Variants in SHANK2 observed in about 807,000 individuals in gnomAD.
SHANK2 encodes the protein SH3 and multiple ankyrin repeat domains protein 2.
In SHANK2, 43 loss-of-function variants were observed where a neutral mutation model predicts 133.7. That is an observed-to-expected ratio of 0.32 (90% CI 0.25 to 0.41). The LOEUF (loss-of-function observed/expected upper bound fraction) is 0.41. Among genes scored for constraint, SHANK2 ranks in the 10% least tolerant of loss-of-function variants. The pLI, the probability that SHANK2 is intolerant of heterozygous loss-of-function variation, is 1.00. For missense variants in SHANK2, 1,994 were observed against 2,235.8 expected (o/e 0.89, Z 2.18); for synonymous variants, 1,017 against 952.8 (o/e 1.07, Z -1.24).
chr11:71,204,116 A>G (rs1591017053), intron 2 of SHANK2, among the ~76,000 whole-genome samples: 2 of 152,106 alleles, frequency 1.3e-5, no homozygotes, highest in East Asian at 3.9e-4. Flanking sequence ...GGCCTTGGGG[A>G]GCCCTGAACA....
At chr11:70,877,996 G>C (rs1308429739) in intron 11 of SHANK2, among the ~76,000 whole-genome samples, 2 of 152,250 alleles carry the variant, frequency 1.3e-5, no homozygotes, top group South Asian at 2.1e-4. Flanking sequence ...TGTGCAGCGT[G>C]AGTCCGGCGA....
intron 11 of SHANK2, among the ~76,000 whole-genome samples, chr11:70,847,628 C>A (rs1434733715): frequency 1.3e-5 from 2 of 152,234 alleles, no homozygotes; most frequent in Non-Finnish European, 1.5e-5. Flanking sequence ...GCGACGCCAT[C>A]CAGGGTCTCA....
intron 15 of SHANK2, among the ~76,000 whole-genome samples, chr11:70,670,226 G>A (rs546776429): frequency 5.9e-5 from 9 of 152,208 alleles, no homozygotes; most frequent in Admixed American, 2.0e-4. Context: ...TGGTATAATC[G>A]CATTTCAGTG....
chr11:70,745,252 C>T (rs531779431), intron 14 of SHANK2, among the ~76,000 whole-genome samples: 2 of 152,348 alleles, frequency 1.3e-5, no homozygotes, highest in South Asian at 2.1e-4. Context: ...GCCTTTGAGC[C>T]TCTGCCTCAT....
At chr11:71,105,180 C>T (rs1469126870) in intron 6 of SHANK2, among the ~76,000 whole-genome samples, 2 of 152,192 alleles carry the variant, frequency 1.3e-5, no homozygotes, top group Admixed American at 6.5e-5. Flanking sequence ...TGTGAAAGGG[C>T]CTGGAGGCAC....
Position 70,820,397 on chromosome 11 carries a change from T to C in SHANK2, c.1460A>G (p.Asp487Gly), listed in dbSNP as rs1555055527. 1.5e-6 allele frequency: 1 copy of C among 676,016 alleles called. No individual in the cohort carries two copies. Among genetic ancestry groups the C allele is most frequent in the East Asian group, 2.8e-5 (1 of 36,228 alleles). 41.9% of individuals were successfully genotyped at this position (676,016 alleles called of 1,614,324 possible). A position where few individuals can be genotyped will look rare whatever the true frequency, so the allele number is the denominator to read the frequency against. The change falls in exon 12 of 26, where the codon GAC becomes GGC. Residue 487 changes from aspartate to glycine, a missense_variant. Around this residue, in one of 5 missense-constraint regions of SHANK2, gnomAD observed 653 missense variants for 563.4 expected, o/e 1.16. Coordinates refer to ENST00000601538, the MANE Select transcript of SHANK2 (RefSeq NM_012309.5). ...SLNRLGGAGE[D>G]GKRPQPLWHV... ...CCAGAGAGGCTGCGGCCTCTTGCCG[T>C]CCTCGCCTGCGCCGCCCAGCCTGTT...
chr11:70,891,871 C>G (rs1436798257), intron 11 of SHANK2, among the ~76,000 whole-genome samples: 8 of 152,140 alleles, frequency 5.3e-5, no homozygotes, highest in African/African-American at 1.7e-4. Context: ...GTGAGAAATG[C>G]CACAGAAGAC....
At chr11:70,647,508 G>C (rs1591701442) in intron 17 of SHANK2, 2 of 152,348 alleles carry the variant, frequency 1.3e-5, no homozygotes, top group East Asian at 3.9e-4. Flanking sequence ...CCCACTCTGT[G>C]CTGTGGCCTC....
intron 17 of SHANK2, among the ~76,000 whole-genome samples, chr11:70,629,327 C>T (rs985684876): frequency 1.3e-5 from 2 of 152,190 alleles, no homozygotes; most frequent in Non-Finnish European, 2.9e-5. Context: ...GAAACCGCCT[C>T]TTTCGAACTC....
chr11:70,706,350 C>T (rs1945663211), intron 14 of SHANK2, among the ~76,000 whole-genome samples: 1 of 152,210 alleles, frequency 6.6e-6, no homozygotes, highest in Non-Finnish European at 1.5e-5. Flanking sequence ...AAGCCACACA[C>T]CCTTGGACCC....
intron 17 of SHANK2, among the ~76,000 whole-genome samples, chr11:70,533,931 G>A (rs995798047): frequency 4.5e-4 from 68 of 152,164 alleles, no homozygotes; most frequent in Admixed American, 1.3e-3. Context: ...AAGGTGGCAC[G>A]TCTCATCACT....
Position 70,496,891 on chromosome 11 carries a change from A to C in SHANK2, c.2308+3679T>G, listed in dbSNP as rs115057431. The C allele has an allele frequency of 4.1e-3, 1,866 of 451,128 alleles. 26 individuals are homozygous for C. The highest frequency in any genetic ancestry group is 0.031 in the African/African-American group (1,570 of 50,092). 27.9% of individuals were successfully genotyped at this position (451,128 alleles called of 1,614,324 possible). On this transcript the variant is annotated intron_variant, in intron 21 of 25. Transcript: ENST00000601538. ...GTGGGGGCACCCTACCCATCATCAC[A>C]GTCGCCACATCAGAGGGTGGGGCTG...
At chr11:70,872,216 T>C (rs1555070335) in intron 11 of SHANK2, 1 of 154,724 alleles carries the variant, frequency 6.5e-6, no homozygotes, top group East Asian at 1.9e-4. Flanking sequence ...TCAGGTCAAG[T>C]ACTACTGCCA....
At position 70,745,332 on chromosome 11, in the gene SHANK2, G is replaced by C. The variant is rs528995679; in HGVS notation, c.1778-46569C>G. Among the ~76,000 whole-genome samples, 19 of 152,340 alleles carry C rather than the reference G, an allele frequency of 1.2e-4. No individual in the cohort carries two copies. The East Asian group carries it at 3.5e-3, about 28-fold the overall frequency. On this transcript the variant is annotated intron_variant, in intron 14 of 25. Coordinates refer to ENST00000601538, the MANE Select transcript of SHANK2 (RefSeq NM_012309.5). ...CCAGCCTCTGCTTACTCTCGGTTGA[G>C]TGGTCTCCACGTATTTCCATGCCAG...
intron 17 of SHANK2, among the ~76,000 whole-genome samples, chr11:70,617,859 G>GGATAGCATT (rs1346920240): frequency 2.6e-5 from 4 of 152,060 alleles, no homozygotes. Flanking sequence ...GAGAGGGGAG[G>GGATAGCATT]GATAGCATTG....
rs555816225 is a variant in SHANK2 at position 70,585,640 on chromosome 11, T to C, written c.2061+74188A>G. Among the ~76,000 whole-genome samples, 3 of 150,452 alleles carry C rather than the reference T, an allele frequency of 2.0e-5. No individual in the cohort carries two copies. The South Asian group carries it at 6.5e-4, about 32-fold the overall frequency. On this transcript the variant is annotated intron_variant, in intron 17 of 25. Transcript: ENST00000601538. ...CCATCTCTCTTTTCATGTATCCATC[T>C]ACCCATCTATCCCTCCATCCATTCA...
chr11:71,177,193 A>G (rs1020279524), intron 2 of SHANK2, among the ~76,000 whole-genome samples: 1 of 152,200 alleles, frequency 6.6e-6, no homozygotes. Flanking sequence ...TTCTTGAGGC[A>G]GAAGAAAATG....
In SHANK2 at chr11:71,085,660, T is replaced by C. The variant is rs1241160784; in HGVS notation, c.912+6762A>G. On this transcript the variant is annotated intron_variant, in intron 8 of 25. Transcript: ENST00000601538. ...ATATAATATATTATGTTATATATTA[T>C]ATTATATATGTTATATATATAATAT... is the stretch of plus-strand genomic sequence containing the variant. Among the ~76,000 whole-genome samples, 21 of 14,308 alleles carry C rather than the reference T, an allele frequency of 1.5e-3. 1 individual carries two copies. Among genetic ancestry groups the C allele is most frequent in the African/African-American group, 3.3e-3 (20 of 6,032 alleles). 9.4% of individuals were successfully genotyped at this position (14,308 alleles called of 152,430 possible).
At chr11:70,777,372 C>T (rs1429632540) in intron 14 of SHANK2, among the ~76,000 whole-genome samples, 8 of 151,456 alleles carry the variant, frequency 5.3e-5, no homozygotes, top group Non-Finnish European at 1.0e-4. Context: ...TCCATACACC[C>T]ATCCACCCAC....
Sources: gnomAD v4.1 joint callset for allele counts (sites outside exome capture counted in the v4.1 genomes callset) on GRCh38, gnomAD v4.1.1 for gene constraint, gnomAD v4.1.1 regional missense constraint, MANE v1.5 for transcripts, NCBI Gene and HGNC (gene_info 2026-07-23, HGNC 2026-07-21) for gene names.